CCDC141: variants seen among roughly 807,000 people sequenced by gnomAD.
The protein encoded by CCDC141 is coiled-coil domain containing 141, also known as coiled-coil domain-containing protein 141.
Under a neutral mutation model 181.0 loss-of-function variants are expected in CCDC141, and 168 were observed. The observed-to-expected ratio is 0.93, with a 90% CI of 0.82 to 1.05. The LOEUF (loss-of-function observed/expected upper bound fraction) is 1.05, where lower values mean the gene tolerates loss of function less well. Among genes scored for constraint, CCDC141 ranks in the 50% least tolerant of loss-of-function variants. The pLI is 0.00. For missense variants in CCDC141, 1,902 were observed against 1,788.5 expected (o/e 1.06, Z -1.14); for synonymous variants, 666 against 642.3 (o/e 1.04, Z -0.56).
intron 7 of CCDC141, among the ~76,000 whole-genome samples, chr2:178,916,061 G>A (rs1688433881): frequency 6.6e-6 from 1 of 152,148 alleles, no homozygotes; most frequent in African/African-American, 2.4e-5. Flanking sequence ...ACTGTGATAA[G>A]TTAACATGTT....
chr2:178,981,671 C>CATATATAT (rs199892457), intron 2 of CCDC141, among the ~76,000 whole-genome samples: 1 of 111,778 alleles, frequency 8.9e-6, no homozygotes, highest in Non-Finnish European at 1.8e-5. Context: ...TACATATATA[C>CATATATAT]ATATATATAT....
At chr2:178,994,412 C>T (rs1244319836) in intron 2 of CCDC141, among the ~76,000 whole-genome samples, 1 of 152,202 alleles carries the variant, frequency 6.6e-6, no homozygotes, top group Non-Finnish European at 1.5e-5. Flanking sequence ...CTGTGTTGGT[C>T]CCTTTCAGCC....
chr2:178,980,778 A>G (rs1691343292), intron 2 of CCDC141, among the ~76,000 whole-genome samples: 1 of 152,216 alleles, frequency 6.6e-6, no homozygotes. Flanking sequence ...TTAATTTAAC[A>G]TGTGTTAATT....
chr2:178,921,077 A>G lies in CCDC141; in HGVS notation c.898-2170T>C, dbSNP rs182965287. ...AGGTCTTTGTCTCATGCTACCTTCCAGGGAACTGAGGATAGACTCCAAAAT... is the reference window on the plus strand; with the variant it reads ...AGGTCTTTGTCTCATGCTACCTTCCGGGGAACTGAGGATAGACTCCAAAAT... On this transcript the variant is annotated intron_variant, in intron 6 of 23. Transcript: ENST00000443758. Among the ~76,000 whole-genome samples the G allele has an allele frequency of 2.1e-4, 32 of 152,358 alleles. No homozygotes were observed. In the East Asian group the frequency reaches 6.2e-3, roughly 29 times the overall value.
rs1395948746 is a variant in CCDC141 at position 179,038,447 on chromosome 2, C to T, written c.225+8837G>A. On this transcript the variant is annotated intron_variant, in intron 2 of 23. Coordinates refer to ENST00000443758, the MANE Select transcript of CCDC141 (RefSeq NM_173648.4). ...TGGAAATACATAGTGGTGATGGTTG[C>T]ACAACATTGTGAATGTAATTAATGC... 4.6e-5 allele frequency among the ~76,000 whole-genome samples: 7 copies of T among 152,014 alleles called. No homozygotes were observed. In the South Asian group the frequency reaches 8.3e-4, roughly 18 times the overall value.
At chr2:178,935,999 C>CT in intron 6 of CCDC141, among the ~76,000 whole-genome samples, 1 of 152,094 alleles carries the variant, frequency 6.6e-6, no homozygotes, top group South Asian at 2.1e-4. Context: ...GCTATTAGGC[C>CT]TTTGTCAGAT....
intron 5 of CCDC141, among the ~76,000 whole-genome samples, chr2:178,960,473 CATA>C: frequency 6.6e-6 from 1 of 152,290 alleles, no homozygotes; most frequent in South Asian, 2.1e-4. Context: ...CCTCCCTCCA[CATA>C]ATTTCTCCCT....
chr2:178,891,202 C>T (rs950226862), intron 8 of CCDC141, among the ~76,000 whole-genome samples: 13 of 152,080 alleles, frequency 8.5e-5, no homozygotes, highest in Admixed American at 6.6e-4. Flanking sequence ...AATTCCATAA[C>T]GACAACTAAT....
At position 178,869,312 on chromosome 2, in the gene CCDC141, C is replaced by T. The variant is rs1223055222; in HGVS notation, c.2206-7G>A. 5 of 1,562,946 alleles carry T rather than the reference C, an allele frequency of 3.2e-6. No individual in the cohort carries two copies. Among genetic ancestry groups the T allele is most frequent in the Non-Finnish European group, 4.3e-6 (5 of 1,161,140 alleles). On this transcript the variant is annotated splice_polypyrimidine_tract_variant and splice_region_variant and intron_variant, in intron 14 of 23. Coordinates refer to ENST00000443758, the MANE Select transcript of CCDC141 (RefSeq NM_173648.4). ...GAACCTCATCATTCAATTGCTAAAACATTGAAAGCAATAAAAAAATCTTGC... is the reference window on the plus strand; with the variant it reads ...GAACCTCATCATTCAATTGCTAAAATATTGAAAGCAATAAAAAAATCTTGC...
At chr2:178,836,648 T>A (rs748086874) in intron 23 of CCDC141, 6 of 392,232 alleles carry the variant, frequency 1.5e-5, no homozygotes, top group Non-Finnish European at 2.7e-5. Flanking sequence ...ACAACCAACC[T>A]ACAGTGCTTT....
At chr2:178,993,211 G>C (rs921796965) in intron 2 of CCDC141, among the ~76,000 whole-genome samples, 3 of 152,102 alleles carry the variant, frequency 2.0e-5, no homozygotes, top group Non-Finnish European at 4.4e-5. Context: ...TGTTACCCTA[G>C]CATTACCTAA....
intron 22 of CCDC141, among the ~76,000 whole-genome samples, chr2:178,840,244 G>A (rs1684666650): frequency 6.6e-6 from 1 of 152,128 alleles, no homozygotes; most frequent in Admixed American, 6.5e-5. Flanking sequence ...GGTCATTTCT[G>A]GGAGGTCCCA....
chr2:178,822,129 C>T, the CCDC141 span, among the ~76,000 whole-genome samples: 3 of 151,766 alleles, frequency 2.0e-5, no homozygotes, highest in South Asian at 2.1e-4. Flanking sequence ...AAGCTGGAAA[C>T]CATCATTCTC....
At position 178,868,198 on chromosome 2, in the gene CCDC141, C is replaced by A; in HGVS notation, c.2402G>T (p.Arg801Leu). The change falls in exon 16 of 24, where the codon CGT (arginine) becomes CTT (leucine). Residue 801 changes from arginine (R) to leucine (L), a missense_variant. By Grantham distance (102) the Arg-to-Leu change is moderately radical (BLOSUM62 -2). Coordinates refer to ENST00000443758, the MANE Select transcript of CCDC141 (RefSeq NM_173648.4). ...CTCCAGCTCTCTTGATTTGATGAGA[C>A]GTCCCAGCTACAATTTAGGGCATTA... The part of the protein sequence containing the change: ...QFHQVKEELG[R>L]LIKSRELEFV... 6.2e-7 allele frequency: 1 copy of A among 1,606,630 alleles called. No individual in the cohort carries two copies. The highest frequency in any genetic ancestry group is 2.2e-5 in the East Asian group (1 of 44,640).
intron 8 of CCDC141, among the ~76,000 whole-genome samples, chr2:178,898,227 T>C (rs1687506258): frequency 6.6e-6 from 1 of 152,192 alleles, no homozygotes; most frequent in African/African-American, 2.4e-5. Context: ...CAGGTTGTTA[T>C]AAAACAAGGC....
At chr2:178,839,064 G>C (rs535059854) in intron 22 of CCDC141, among the ~76,000 whole-genome samples, 16 of 152,142 alleles carry the variant, frequency 1.1e-4, no homozygotes, top group Non-Finnish European at 2.1e-4. Flanking sequence ...CCTTGCCTTT[G>C]AGTTTTTCAT....
At chr2:178,854,448 C>T (rs1005140073) in intron 19 of CCDC141, among the ~76,000 whole-genome samples, 7 of 152,064 alleles carry the variant, frequency 4.6e-5, no homozygotes, top group African/African-American at 1.2e-4. Context: ...GGTGTGAACC[C>T]GGGAGGCAGA....
intron 2 of CCDC141, among the ~76,000 whole-genome samples, chr2:179,008,124 GAATA>G (rs2042164893): frequency 6.6e-6 from 1 of 152,162 alleles, no homozygotes; most frequent in Admixed American, 6.5e-5. Flanking sequence ...CTGAAAGTCT[GAATA>G]AATAGATAGG....
At chr2:178,963,726 A>C (rs1690503098) in intron 4 of CCDC141, among the ~76,000 whole-genome samples, 1 of 151,816 alleles carries the variant, frequency 6.6e-6, no homozygotes, top group Non-Finnish European at 1.5e-5. Flanking sequence ...GCATTTTGAG[A>C]TGAAAAGGAA....
Sources: allele counts gnomAD v4.1 joint callset (sites outside exome capture counted in the v4.1 genomes callset), GRCh38; gene constraint gnomAD v4.1.1; transcripts MANE v1.5; gene names NCBI Gene and HGNC (gene_info 2026-07-23, HGNC 2026-07-21).